Variants in PANX1 observed in about 807,000 individuals in gnomAD.
PANX1 encodes pannexin 1.
Under a neutral mutation model 38.7 loss-of-function variants are expected in PANX1, and 30 were observed. That is an observed-to-expected ratio of 0.78 (90% CI 0.58 to 1.05). The LOEUF is 1.05. PANX1 is among the 50% of genes least tolerant of loss of function. The pLI is 0.00. For missense variants in PANX1, 551 were observed against 517.2 expected, an observed-to-expected ratio of 1.07 and a Z score of -0.63; for synonymous variants, 230 against 212.2, an observed-to-expected ratio of 1.08 and a Z score of -0.73.
chr11:94,153,399 C>T (rs974432015), intron 1 of PANX1, 92 bp from the exon 2 acceptor site: 2 of 1,355,948 alleles, frequency 1.5e-6, no homozygotes, highest in South Asian at 1.3e-5. Flanking sequence ...CCTGGTGCTC[C>T]CTAACTTAGA....
intron 1 of PANX1, among the ~76,000 whole-genome samples, chr11:94,137,784 T>C (rs2134476641): frequency 7.4e-6 from 1 of 135,854 alleles, no homozygotes; most frequent in African/African-American, 2.9e-5. Context: ...ATTATAAAGA[T>C]AAAACTTACT....
chr11:94,178,908 C>G (rs2134527036), intron 3 of PANX1, among the ~76,000 whole-genome samples: 1 of 152,208 alleles, frequency 6.6e-6, no homozygotes, highest in South Asian at 2.1e-4. Flanking sequence ...AGCTTGCTTG[C>G]TTTGATCTAT....
intron 1 of PANX1, 98 bp downstream of exon 1, chr11:94,129,591 T>A: frequency 8.9e-7 from 1 of 1,118,868 alleles, no homozygotes; most frequent in Non-Finnish European, 1.3e-6. Context: ...TACGCCCAGC[T>A]GTGATGGTCG....
chr11:94,163,049 T>A (rs1349831520), intron 2 of PANX1, among the ~76,000 whole-genome samples: 2 of 152,076 alleles, frequency 1.3e-5, no homozygotes, highest in African/African-American at 4.8e-5. Flanking sequence ...ATTTTTGTTA[T>A]TTTTTGTAGA....
intron 1 of PANX1, among the ~76,000 whole-genome samples, chr11:94,133,594 C>A (rs554643174): frequency 9.9e-5 from 15 of 152,254 alleles, no homozygotes; most frequent in African/African-American, 3.6e-4. Flanking sequence ...AAAATGTGCA[C>A]CTGTCTGGTT....
chr11:94,163,109 A>G (rs1228011432), intron 2 of PANX1, among the ~76,000 whole-genome samples: 1 of 152,068 alleles, frequency 6.6e-6, no homozygotes, highest in African/African-American at 2.4e-5. Flanking sequence ...TTGGCCTTCC[A>G]GAGTGTTGGG....
chr11:94,144,496 C>T (rs1184072507), intron 1 of PANX1, among the ~76,000 whole-genome samples: 1 of 152,180 alleles, frequency 6.6e-6, no homozygotes, highest in Non-Finnish European at 1.5e-5. Flanking sequence ...TGACTCCACA[C>T]AGAGTAGCCT....
chr11:94,158,771 A>C (rs1946985475), intron 2 of PANX1, among the ~76,000 whole-genome samples: 1 of 152,160 alleles, frequency 6.6e-6, no homozygotes, highest in Non-Finnish European at 1.5e-5. Flanking sequence ...CCTGGCCAGA[A>C]CTTCCAACAC....
intron 1 of PANX1, among the ~76,000 whole-genome samples, chr11:94,149,488 G>C (rs1288804743): frequency 6.6e-6 from 1 of 152,070 alleles, no homozygotes; most frequent in African/African-American, 2.4e-5. Flanking sequence ...ACTTCCTCTG[G>C]GCCTTGTGAG....
At position 94,130,653 on chromosome 11, in the gene PANX1, G is replaced by A. The variant is rs560204059; in HGVS notation, c.181+1160G>A. 4.6e-5 allele frequency among the ~76,000 whole-genome samples: 7 copies of A among 152,314 alleles called. No individual in the cohort carries two copies. In the East Asian group the frequency reaches 1.4e-3, roughly 29 times the overall value. Reference sequence around the variant, plus strand: ...TCGGCTGAGGTCTTGTGCACAGAGGGTGTGAAGAGTGGAAGAAAATGGGTG... The same window carrying A: ...TCGGCTGAGGTCTTGTGCACAGAGGATGTGAAGAGTGGAAGAAAATGGGTG... On this transcript the variant is annotated intron_variant, in intron 1 of 4. Coordinates refer to ENST00000227638, the MANE Select transcript of PANX1 (RefSeq NM_015368.4).
chr11:94,138,693 AATT>A (rs1445922718), intron 1 of PANX1, among the ~76,000 whole-genome samples: 1 of 152,212 alleles, frequency 6.6e-6, no homozygotes, highest in African/African-American at 2.4e-5. Context: ...TGTAAAATTA[AATT>A]ATTATTGACT....
At chr11:94,145,934 G>C (rs145008164) in intron 1 of PANX1, among the ~76,000 whole-genome samples, 1 of 152,188 alleles carries the variant, frequency 6.6e-6, no homozygotes, top group Non-Finnish European at 1.5e-5. Context: ...TTTTATAAAA[G>C]ATTTCTTTTC....
Position 94,129,370 on chromosome 11 carries a change from C to G in PANX1, c.58C>G (p.Pro20Ala). 6.2e-7 allele frequency: 1 copy of G among 1,613,832 alleles called. No individual in the cohort carries two copies. The highest frequency in any genetic ancestry group is 1.1e-5 in the South Asian group (1 of 91,022). Residue 20 changes from proline (P) to alanine (A), a missense_variant, in exon 1 of 5, where the codon CCC (proline) becomes GCC (alanine). Coordinates refer to ENST00000227638, the MANE Select transcript of PANX1 (RefSeq NM_015368.4). ...YVFSDFLLKE[P>A]TEPKFKGLRL... ...GTTCTCGGATTTCTTGCTGAAGGAG[C>G]CCACGGAGCCCAAGTTCAAGGGGCT... is the stretch of plus-strand genomic sequence containing the variant.
intron 1 of PANX1, among the ~76,000 whole-genome samples, chr11:94,149,161 G>A (rs1475189013): frequency 1.3e-5 from 2 of 152,182 alleles, no homozygotes; most frequent in African/African-American, 4.8e-5. Flanking sequence ...AAAATGGGGG[G>A]CGTAGATCAT....
rs114642129 is a variant in PANX1, at chr11:94,130,468, C to G, written c.181+975C>G. 8.7e-3 allele frequency among the ~76,000 whole-genome samples: 1,326 copies of G among 152,172 alleles called. 20 individuals are homozygous for G. Among genetic ancestry groups the G allele is most frequent in the African/African-American group, 0.03 (1,230 of 41,498 alleles). ...CTGGAGTCTGAGAGTGAATATGGGC[C>G]TGGGTCAGCCTGGAACAGAAGAGTG... On this transcript the variant is annotated intron_variant, in intron 1 of 4. Coordinates refer to ENST00000227638, the MANE Select transcript of PANX1 (RefSeq NM_015368.4).
chr11:94,158,473 A>G (rs1007596321), intron 2 of PANX1, among the ~76,000 whole-genome samples: 7 of 151,916 alleles, frequency 4.6e-5, no homozygotes, highest in African/African-American at 1.7e-4. Context: ...CATCCCTTGT[A>G]AGTTGGATTC....
At chr11:94,149,677 C>T (rs79991188) in intron 1 of PANX1, among the ~76,000 whole-genome samples, 117 of 152,256 alleles carry the variant, frequency 7.7e-4, no homozygotes, top group East Asian at 7.3e-3. Context: ...GCATGTCTTG[C>T]AAAATCTGTT....
At chr11:94,146,131 A>G (rs1946826792) in intron 1 of PANX1, among the ~76,000 whole-genome samples, 1 of 152,246 alleles carries the variant, frequency 6.6e-6, no homozygotes, top group South Asian at 2.1e-4. Context: ...ACCAGGATCC[A>G]TGGGACTGCT....
rs534600308 is a variant in PANX1 at position 94,133,376 on chromosome 11, C to A, written c.181+3883C>A. Among the ~76,000 whole-genome samples, 73 of 152,240 alleles carry A rather than the reference C, an allele frequency of 4.8e-4. 1 individual carries two copies. Among genetic ancestry groups the A allele is most frequent in the Admixed American group, 1.3e-3 (20 of 15,300 alleles). On this transcript the variant is annotated intron_variant, in intron 1 of 4. Transcript: ENST00000227638. ...GCAGAAGTGATGTGGTCTGGAGGGG[C>A]ATGGCAAGGCTGGTGCCATGGTCAA...
Sources: gnomAD v4.1 joint callset for allele counts (sites outside exome capture counted in the v4.1 genomes callset) on GRCh38, gnomAD v4.1.1 for gene constraint, MANE v1.5 for transcripts, NCBI Gene and HGNC (gene_info 2026-07-23, HGNC 2026-07-21) for gene names.